GRIK1: variants seen among roughly 807,000 people sequenced by gnomAD.
GRIK1 encodes glutamate ionotropic receptor kainate type subunit 1.
GRIK1 carries 69 observed loss-of-function variants against 105.7 expected under a neutral mutation model. The observed-to-expected ratio is 0.65, with a 90% CI of 0.54 to 0.80. The LOEUF (loss-of-function observed/expected upper bound fraction) is 0.80, where lower values mean the gene tolerates loss of function less well. GRIK1 is among the 30% of genes least tolerant of loss of function. The pLI is 0.00. For synonymous variants in GRIK1, 438 were observed against 431.3 expected, an observed-to-expected ratio of 1.02 and a Z score of -0.19; for missense variants, 1,109 against 1,167.3, an observed-to-expected ratio of 0.95 and a Z score of 0.73.
chr21:29,714,637 C>T (rs138324191), intron 1 of GRIK1, among the ~76,000 whole-genome samples: 2,514 of 152,210 alleles, frequency 0.017, 34 homozygotes, highest in Middle Eastern at 0.031. Flanking sequence ...GAATGCACTG[C>T]GATAAGTTTT....
chr21:29,569,231 G>C (rs2146206510), intron 14 of GRIK1, among the ~76,000 whole-genome samples: 2 of 152,316 alleles, frequency 1.3e-5, no homozygotes, highest in Admixed American at 1.3e-4. Flanking sequence ...CTAATAGCTA[G>C]AGGTAAGGGT....
chr21:29,643,910 GCA>G lies in GRIK1; in HGVS notation c.955-943_955-942del, dbSNP rs36010792. On this transcript the variant is annotated intron_variant, in intron 6 of 17. Coordinates refer to ENST00000327783, the MANE Select transcript of GRIK1 (RefSeq NM_001330994.2). ...GATATTTGTGGAGGGGCACACACAT[GCA>G]CACACACACACACACATGCACAGCC... Among the ~76,000 whole-genome samples, 1,060 of 149,638 alleles carry G rather than the reference GCA, an allele frequency of 7.1e-3. 11 individuals are homozygous for G. The highest frequency in any genetic ancestry group is 0.024 in the African/African-American group (989 of 41,020).
At chr21:29,663,102 A>G (rs2062996956) in intron 4 of GRIK1, among the ~76,000 whole-genome samples, 1 of 152,208 alleles carries the variant, frequency 6.6e-6, no homozygotes. Context: ...CCTAATTTAT[A>G]GATTTTAGAG....
intron 7 of GRIK1, among the ~76,000 whole-genome samples, chr21:29,633,974 T>C (rs1391664933): frequency 6.6e-6 from 1 of 152,206 alleles, no homozygotes; most frequent in Non-Finnish European, 1.5e-5. Context: ...CGAGATCAAA[T>C]GGCATGCATT....
intron 4 of GRIK1, among the ~76,000 whole-genome samples, chr21:29,670,762 C>T (rs899615353): frequency 1.3e-5 from 2 of 152,214 alleles, no homozygotes; most frequent in African/African-American, 4.8e-5. Context: ...GACCCACACA[C>T]TTCATTACAC....
intron 7 of GRIK1, among the ~76,000 whole-genome samples, chr21:29,599,241 A>G (rs1323040691): frequency 6.6e-6 from 1 of 152,214 alleles, no homozygotes; most frequent in African/African-American, 2.4e-5. Context: ...AAAATCTGAG[A>G]AATCACAATA....
At position 29,566,058 on chromosome 21, in the gene GRIK1, C is replaced by CT. The variant is rs549612927; in HGVS notation, c.2131-4210dup. On this transcript the variant is annotated intron_variant, in intron 14 of 17. Coordinates refer to ENST00000327783, the MANE Select transcript of GRIK1 (RefSeq NM_001330994.2). ...AATTACATGTATTCCTTTCAGCAGA[C>CT]TTTTTTTCATGGTTGAGTCTCAAAT... Among the ~76,000 whole-genome samples the CT allele has an allele frequency of 2.6e-4, 40 of 152,218 alleles. 1 individual carries two copies. In the South Asian group the frequency reaches 7.3e-3, roughly 28 times the overall value.
chr21:29,773,311 C>T (rs2065860534), intron 1 of GRIK1, among the ~76,000 whole-genome samples: 1 of 152,144 alleles, frequency 6.6e-6, no homozygotes, highest in Admixed American at 6.5e-5. Flanking sequence ...CTCATTTTGG[C>T]CCATGGCAGT....
At chr21:29,583,282 A>T (rs1192393338) in intron 12 of GRIK1, among the ~76,000 whole-genome samples, 1 of 152,216 alleles carries the variant, frequency 6.6e-6, no homozygotes, top group Non-Finnish European at 1.5e-5. Flanking sequence ...TAGCCATAGT[A>T]GTTTGCTGAG....
intron 1 of GRIK1, among the ~76,000 whole-genome samples, chr21:29,771,379 G>T (rs936112458): frequency 2.6e-5 from 4 of 152,094 alleles, no homozygotes; most frequent in African/African-American, 9.7e-5. Flanking sequence ...TAAAATATAA[G>T]CTTTGTGGGG....
intron 4 of GRIK1, among the ~76,000 whole-genome samples, chr21:29,656,514 T>C (rs1470198137): frequency 4.0e-5 from 6 of 151,876 alleles, no homozygotes; most frequent in Admixed American, 2.0e-4. Flanking sequence ...TTAGACACCA[T>C]CACAGGGACA....
chr21:29,834,345 T>G (rs2067721520), intron 1 of GRIK1, among the ~76,000 whole-genome samples: 1 of 148,934 alleles, frequency 6.7e-6, no homozygotes, highest in Non-Finnish European at 1.5e-5. Flanking sequence ...TATTTATGTA[T>G]TACATATATA....
At chr21:29,649,634 G>A (rs363587) in intron 6 of GRIK1, among the ~76,000 whole-genome samples, 5 of 152,270 alleles carry the variant, frequency 3.3e-5, no homozygotes, top group South Asian at 2.1e-4. Context: ...TTTGTTCAAC[G>A]ATCTTCCTCA....
At chr21:29,669,660 C>T (rs1370099749) in intron 4 of GRIK1, among the ~76,000 whole-genome samples, 2 of 152,102 alleles carry the variant, frequency 1.3e-5, no homozygotes, top group South Asian at 2.1e-4. Context: ...TGCCTCACCT[C>T]GAAAGTGAGA....
intron 7 of GRIK1, among the ~76,000 whole-genome samples, chr21:29,635,265 C>T (rs754464606): frequency 7.2e-5 from 11 of 152,156 alleles, no homozygotes; most frequent in Non-Finnish European, 1.6e-4. Flanking sequence ...GTTCCCAATA[C>T]ATAAGTATAA....
intron 1 of GRIK1, among the ~76,000 whole-genome samples, chr21:29,761,749 C>T (rs1348153385): frequency 2.6e-5 from 3 of 115,754 alleles, no homozygotes; most frequent in East Asian, 2.6e-4. Flanking sequence ...CTCTTTCTTT[C>T]GTTCTTTTTT....
At chr21:29,665,311 G>A (rs552833997) in intron 4 of GRIK1, among the ~76,000 whole-genome samples, 2 of 152,130 alleles carry the variant, frequency 1.3e-5, no homozygotes, top group Admixed American at 6.5e-5. Context: ...ACTATGAACC[G>A]CTCCGTACAA....
At chr21:29,806,307 G>A (rs1181060262) in intron 1 of GRIK1, among the ~76,000 whole-genome samples, 1 of 151,718 alleles carries the variant, frequency 6.6e-6, no homozygotes, top group East Asian at 1.9e-4. Context: ...TCAAAAACCA[G>A]CGAATCAGTC....
chr21:29,647,018 G>A (rs528074442), intron 6 of GRIK1, among the ~76,000 whole-genome samples: 1 of 152,114 alleles, frequency 6.6e-6, no homozygotes, highest in South Asian at 2.1e-4. Context: ...GCTAATTTTT[G>A]TATTTTTAGT....
Sources: gnomAD v4.1 joint callset for allele counts (sites outside exome capture counted in the v4.1 genomes callset) on GRCh38, gnomAD v4.1.1 for gene constraint, MANE v1.5 for transcripts, NCBI Gene and HGNC (gene_info 2026-07-23, HGNC 2026-07-21) for gene names.